KANK1: variants seen among roughly 807,000 people sequenced by gnomAD.
The protein encoded by KANK1 is KN motif and ankyrin repeat domain-containing protein 1.
A neutral mutation model predicts 106.2 loss-of-function variants in KANK1; 109 were observed. The ratio of observed to expected loss-of-function variants is 1.03; its 90% CI spans 0.88 to 1.20. KANK1 has a LOEUF of 1.20. KANK1 is among the 50% of genes most tolerant of loss of function. The pLI is 0.00. For synonymous variants in KANK1, 873 were observed against 652.2 expected (o/e 1.34, Z -5.16); for missense variants, 2,399 against 1,710.7 (o/e 1.40, Z -7.10).
rs1468140619 is a variant in KANK1, at chr9:658,863, C to G, written c.-83-18027C>G. On this transcript the variant is annotated intron_variant, in intron 1 of 11. Coordinates refer to ENST00000382297, the MANE Select transcript of KANK1 (RefSeq NM_015158.5). ...ACCATTTTTACCTTCCACCTTTCCC[C>G]TAGTTAACTCCTACTTATCCTTCAG... Among the ~76,000 whole-genome samples, 6 of 152,182 alleles carry G rather than the reference C, an allele frequency of 3.9e-5. No homozygotes were observed. The South Asian group carries it at 1.2e-3, about 32-fold the overall frequency.
intron 1 of KANK1, among the ~76,000 whole-genome samples, chr9:565,484 C>G (rs758221383): frequency 6.6e-6 from 1 of 152,140 alleles, no homozygotes; most frequent in East Asian, 1.9e-4. Flanking sequence ...GGTGGCTAGC[C>G]GCATGGGAGA....
intron 1 of KANK1, among the ~76,000 whole-genome samples, chr9:585,618 C>T (rs1188834955): frequency 6.6e-6 from 1 of 152,154 alleles, no homozygotes; most frequent in Non-Finnish European, 1.5e-5. Context: ...TCCAAATAGT[C>T]TTTGTCAGCT....
At chr9:639,565 C>T (rs1316434866) in intron 1 of KANK1, among the ~76,000 whole-genome samples, 2 of 152,122 alleles carry the variant, frequency 1.3e-5, no homozygotes, top group Admixed American at 1.3e-4. Context: ...CTTCTGCCCA[C>T]CTCGGCCTCC....
At chr9:574,297 A>G (rs866469632) in intron 1 of KANK1, among the ~76,000 whole-genome samples, 1 of 152,204 alleles carries the variant, frequency 6.6e-6, no homozygotes, top group Admixed American at 6.5e-5. Context: ...CTGCACTCTG[A>G]TAATGAATGA....
At chr9:702,833 G>C (rs890602801) in intron 2 of KANK1, among the ~76,000 whole-genome samples, 3 of 152,112 alleles carry the variant, frequency 2.0e-5, no homozygotes, top group African/African-American at 4.8e-5. Context: ...TCCTTCAGCA[G>C]CACCAACAGG....
rs79367253 is a variant in KANK1 at position 663,924 on chromosome 9, G to A, written c.-83-12966G>A. Among the ~76,000 whole-genome samples the A allele has an allele frequency of 1.1e-3, 172 of 152,280 alleles. 1 individual carries two copies. The highest frequency in any genetic ancestry group is 3.9e-3 in the African/African-American group (164 of 41,542). ...ACTCATGCCCACTTTGGGACACAAG[G>A]AGGCAGATGCTCTCATGGGAACTCT... is the stretch of plus-strand genomic sequence containing the variant. On this transcript the variant is annotated intron_variant, in intron 1 of 11. Transcript: ENST00000382297.
chr9:685,345 A>G (rs1215852747), intron 2 of KANK1, among the ~76,000 whole-genome samples: 2 of 152,216 alleles, frequency 1.3e-5, no homozygotes, highest in African/African-American at 4.8e-5. Context: ...TTCTTACCCT[A>G]GTTAAAGCAA....
At position 745,361 on chromosome 9, in the gene KANK1, A is replaced by T; in HGVS notation, c.*126A>T. 2 of 1,222,826 alleles carry T rather than the reference A, an allele frequency of 1.6e-6. No homozygotes were observed. Among genetic ancestry groups the T allele is most frequent in the Non-Finnish European group, 2.4e-6 (2 of 840,562 alleles). 75.7% of individuals were successfully genotyped at this position (1,222,826 alleles called of 1,614,324 possible). ...ACCAGCAAACAGAAGCATCAAGCCC[A>T]GGGGTAAAGGCTGAAGCTTTCACAG... On this transcript the variant is annotated 3_prime_UTR_variant, in exon 12 of 12. Coordinates refer to ENST00000382297, the MANE Select transcript of KANK1 (RefSeq NM_015158.5).
intron 1 of KANK1, among the ~76,000 whole-genome samples, chr9:550,078 C>T (rs1297781238): frequency 1.3e-5 from 2 of 152,090 alleles, no homozygotes; most frequent in African/African-American, 2.4e-5. Flanking sequence ...TGTCAGCAGT[C>T]GCAACACCAC....
Position 732,366 on chromosome 9 carries a change from A to T in KANK1, c.3006-12A>T. 4 of 1,602,462 alleles carry T rather than the reference A, an allele frequency of 2.5e-6. No homozygotes were observed. Among genetic ancestry groups the T allele is most frequent in the Non-Finnish European group, 3.4e-6 (4 of 1,170,418 alleles). ...ACACCTTGCATCTCCTGAAATCCCA[A>T]TTGCCACCTAGGTATGAAACAACTT... On this transcript the variant is annotated splice_polypyrimidine_tract_variant and intron_variant, in intron 5 of 11. Transcript: ENST00000382297.
At chr9:495,976 C>T (rs755133257) in intron 3 of KANK1, among the ~76,000 whole-genome samples, 1 of 152,074 alleles carries the variant, frequency 6.6e-6, no homozygotes, top group Non-Finnish European at 1.5e-5. Context: ...TAAACACACA[C>T]ACACACACAC....
chr9:651,502 G>GT (rs1480281471), intron 1 of KANK1, among the ~76,000 whole-genome samples: 2 of 152,130 alleles, frequency 1.3e-5, no homozygotes, highest in Non-Finnish European at 2.9e-5. Flanking sequence ...GGGTGTATGT[G>GT]TAAGTACCAT....
chr9:578,880 A>G (rs1178861827), intron 1 of KANK1, among the ~76,000 whole-genome samples: 5 of 152,172 alleles, frequency 3.3e-5, no homozygotes, highest in African/African-American at 1.2e-4. Flanking sequence ...TAAAAATCCC[A>G]TCTCGAAGAT....
chr9:720,219 C>A (rs1828932582), intron 3 of KANK1, among the ~76,000 whole-genome samples: 1 of 152,156 alleles, frequency 6.6e-6, no homozygotes, highest in African/African-American at 2.4e-5. Context: ...TTCACAGTTG[C>A]CCACTCTGCT....
intron 1 of KANK1, among the ~76,000 whole-genome samples, chr9:578,079 A>C (rs1023125420): frequency 1.3e-5 from 2 of 152,144 alleles, no homozygotes; most frequent in African/African-American, 4.8e-5. Flanking sequence ...GAGAGAAGAG[A>C]AGAACACCAG....
chr9:629,442 A>T (rs1319839138), intron 1 of KANK1, among the ~76,000 whole-genome samples: 1 of 152,244 alleles, frequency 6.6e-6, no homozygotes, highest in Non-Finnish European at 1.5e-5. Flanking sequence ...TTCTACGTGT[A>T]ATGGAGAAAC....
chr9:532,287 G>C (rs2060094926), intron 1 of KANK1, among the ~76,000 whole-genome samples: 1 of 146,954 alleles, frequency 6.8e-6, no homozygotes, highest in Non-Finnish European at 1.5e-5. Context: ...TGTTGCCCAG[G>C]CTGGAGTGCA....
At chr9:710,443 C>A in intron 2 of KANK1, among the ~76,000 whole-genome samples, 1 of 151,960 alleles carries the variant, frequency 6.6e-6, no homozygotes, top group Admixed American at 6.6e-5. Flanking sequence ...CATGGTGAAA[C>A]CCTGTCTCTA....
intron 7 of KANK1, among the ~76,000 whole-genome samples, chr9:735,262 A>T (rs1833461340): frequency 6.6e-6 from 1 of 152,164 alleles, no homozygotes; most frequent in Non-Finnish European, 1.5e-5. Context: ...CATTCCTTTC[A>T]GTTATGAAAC....
Sources: gnomAD v4.1 joint callset for allele counts (sites outside exome capture counted in the v4.1 genomes callset) on GRCh38, gnomAD v4.1.1 for gene constraint, MANE v1.5 for transcripts, NCBI Gene and HGNC (gene_info 2026-07-23, HGNC 2026-07-21) for gene names.